Variants in PTPRU observed in about 807,000 individuals in gnomAD.
PTPRU encodes protein tyrosine phosphatase receptor type U.
A neutral mutation model predicts 166.3 loss-of-function variants in PTPRU; 69 were observed. The ratio of observed to expected loss-of-function variants is 0.41; its 90% CI spans 0.34 to 0.51. PTPRU has a LOEUF of 0.51. Among genes scored for constraint, PTPRU ranks in the 20% least tolerant of loss-of-function variants. The pLI is 0.09. For synonymous variants in PTPRU, 793 were observed against 814.0 expected, an observed-to-expected ratio of 0.97 and a Z score of 0.44; for missense variants, 1,657 against 2,013.7, an observed-to-expected ratio of 0.82 and a Z score of 3.39.
chr1:29,325,318 G>C lies in PTPRU; in HGVS notation c.4240G>C (p.Glu1414Gln), dbSNP rs1359624079. The change falls in exon 29 of 30, where the codon GAG becomes CAG. Residue 1414 changes from glutamate to glutamine, a missense_variant. Transcript: ENST00000373779. ...TLRNYKPNMV[E>Q]TMDQYHFCYD... ...CCGGAACTACAAACCCAACATGGTG[G>C]AGACCATGGTGAGGGGCTGTGTCCC... is the stretch of plus-strand genomic sequence containing the variant. 6.2e-7 allele frequency: 1 copy of C among 1,614,108 alleles called. No individual in the cohort carries two copies.
In PTPRU at chr1:29,237,624, G is replaced by C. The variant is rs1683830207; in HGVS notation, c.73+907G>C. Among the ~76,000 whole-genome samples, 2 of 151,022 alleles carry C rather than the reference G, an allele frequency of 1.3e-5. No individual in the cohort carries two copies. The highest frequency in any genetic ancestry group is 4.1e-4 in the South Asian group (2 of 4,832). On this transcript the variant is annotated intron_variant, in intron 1 of 29. Coordinates refer to ENST00000373779, the MANE Select transcript of PTPRU (RefSeq NM_133178.4). The surrounding 1 kb of genome is among the most constrained non-coding windows in gnomAD (Gnocchi z 6.4). ...ACAAGTTGTCGCGGCGGCGCCCCCT[G>C]GGCTGCCCGGGTCGGGCAGGGCCCG...
chr1:29,312,866 T>C (rs1386282246), intron 22 of PTPRU, among the ~76,000 whole-genome samples, 160 bp downstream of exon 22: 1 of 152,176 alleles, frequency 6.6e-6, no homozygotes, highest in Non-Finnish European at 1.5e-5. Context: ...CCCTGTCCCC[T>C]TTGGCCTTTG....
At position 29,284,863 on chromosome 1, in the gene PTPRU, G is replaced by A. The variant is rs780379580; in HGVS notation, c.2312G>A (p.Arg771His). 31 of 1,610,582 alleles carry A rather than the reference G, an allele frequency of 1.9e-5. No individual in the cohort carries two copies. The highest frequency in any genetic ancestry group is 2.7e-5 in the African/African-American group (2 of 74,840). ...LLLGAIIVIIRKGKPVNMTKA... is the reference protein window; with the variant it reads ...LLLGAIIVIIHKGKPVNMTKA... ...CTGGGTGCCATCATTGTCATCATCCGCAAAGGGTGAGTGAGGCCGGTGCCC... is the reference window on the plus strand; with the variant it reads ...CTGGGTGCCATCATTGTCATCATCCACAAAGGGTGAGTGAGGCCGGTGCCC... Residue 771 changes from arginine to histidine, a missense_variant, in exon 14 of 30, where the codon CGC (arginine) becomes CAC (histidine). Arg to His is a conservative substitution (Grantham distance 29). Transcript: ENST00000373779.
chr1:29,306,038 T>G (rs926670486), intron 18 of PTPRU, among the ~76,000 whole-genome samples: 2 of 152,202 alleles, frequency 1.3e-5, no homozygotes, highest in Non-Finnish European at 2.9e-5. Flanking sequence ...CTCAGAGACG[T>G]GGAGCGACTT....
In PTPRU at chr1:29,257,270, C is replaced by G. The variant is rs1055196573; in HGVS notation, c.206-1235C>G. On this transcript the variant is annotated intron_variant, in intron 2 of 29. Transcript: ENST00000373779. The surrounding 1 kb of genome is among the most constrained non-coding windows in gnomAD (Gnocchi z 4.6). ...GGAGTGTGTTGGGGGTTGAGAAGTG[C>G]CCCTTCCTGGGTGGGGATGGGGACT... is the stretch of plus-strand genomic sequence containing the variant. Among the ~76,000 whole-genome samples, 3 of 152,044 alleles carry G rather than the reference C, an allele frequency of 2.0e-5. No homozygotes were observed. The highest frequency in any genetic ancestry group is 1.5e-5 in the Non-Finnish European group (1 of 67,990).
intron 28 of PTPRU, among the ~76,000 whole-genome samples, chr1:29,324,813 C>T (rs1446303255): frequency 1.3e-5 from 2 of 151,902 alleles, no homozygotes; most frequent in African/African-American, 2.4e-5. Flanking sequence ...GTCCTCTGCC[C>T]CGCCCTTCTG....
rs148144154 is a variant in PTPRU at position 29,255,382 on chromosome 1, C to G, written c.181C>G (p.Arg61Gly). The G allele has an allele frequency of 6.2e-7, 1 of 1,614,034 alleles. No individual in the cohort carries two copies. The highest frequency in any genetic ancestry group is 1.1e-5 in the South Asian group (1 of 91,080). ...GCAAGTGCGAATCCACCCTGGCACC[C>G]GGGCACCTGCGGACCTGCCCCACGG... is the stretch of plus-strand genomic sequence containing the variant. Reference protein sequence around the residue: ...WEQVRIHPGTRAPADLPHGSY... With the variant: ...WEQVRIHPGTGAPADLPHGSY... The change falls in exon 2 of 30, where the codon CGG becomes GGG. Residue 61 changes from arginine to glycine, a missense_variant. Around this residue, in one of 3 missense-constraint regions of PTPRU, gnomAD observed 453 missense variants for 496.9 expected, o/e 0.91. Coordinates refer to ENST00000373779, the MANE Select transcript of PTPRU (RefSeq NM_133178.4).
At chr1:29,310,279 G>A (rs1345777532) in intron 18 of PTPRU, among the ~76,000 whole-genome samples, 2 of 152,164 alleles carry the variant, frequency 1.3e-5, no homozygotes, top group East Asian at 1.9e-4. Context: ...AGGGGGAGGG[G>A]TACTGTCCAT....
chr1:29,280,414 G>C lies in PTPRU; in HGVS notation c.1868+273G>C, dbSNP rs1013410392. ...AGGGGACTGTCCAGGCCTGTCCAGGGGGCCTTTCCTCAGACACCTTGGAGA... is the reference window on the plus strand; with the variant it reads ...AGGGGACTGTCCAGGCCTGTCCAGGCGGCCTTTCCTCAGACACCTTGGAGA... On this transcript the variant is annotated intron_variant, in intron 11 of 29. Transcript: ENST00000373779. The surrounding 1 kb of genome is among the most constrained non-coding windows in gnomAD (Gnocchi z 4.2). 6.6e-6 allele frequency among the ~76,000 whole-genome samples: 1 copy of C among 152,190 alleles called. No homozygotes were observed. Among genetic ancestry groups the C allele is most frequent in the Non-Finnish European group, 1.5e-5 (1 of 68,032 alleles).
At chr1:29,252,391 C>T (rs1684590236) in intron 1 of PTPRU, among the ~76,000 whole-genome samples, 1 of 151,890 alleles carries the variant, frequency 6.6e-6, no homozygotes, top group South Asian at 2.1e-4. Flanking sequence ...TTTCTGCCTC[C>T]CAAGTAGCTG....
chr1:29,303,971 C>T lies in PTPRU; in HGVS notation c.2593C>T (p.Arg865Cys), dbSNP rs144662614. The change falls in exon 16 of 30, where the codon CGT (arginine) becomes TGT (cysteine). Residue 865 changes from arginine to cysteine, a missense_variant. Arg to Cys is a radical substitution (Grantham distance 180, BLOSUM62 -3). Transcript: ENST00000373779. ...CACGGGGCAGCTGCACCCTGCGGTGCGTGTCGCAGACCTTCTGCAGCACAT... is the reference window on the plus strand; with the variant it reads ...CACGGGGCAGCTGCACCCTGCGGTGTGTGTCGCAGACCTTCTGCAGCACAT... ...YHTGQLHPAV[R>C]VADLLQHINQ... The T allele has an allele frequency of 3.1e-5, 50 of 1,613,642 alleles. No homozygotes were observed. The highest frequency in any genetic ancestry group is 5.0e-5 in the Admixed American group (3 of 60,000).
rs1684895846 is a variant in PTPRU, at chr1:29,258,936, T to C, written c.477+160T>C. On this transcript the variant is annotated intron_variant, in intron 3 of 29. Coordinates refer to ENST00000373779, the MANE Select transcript of PTPRU (RefSeq NM_133178.4). ...GCCAGGGGTCAGTCTGGGGCCAGTC[T>C]GGGTTCAGCATCTGAGGTCATTGTT... Among the ~76,000 whole-genome samples, 3 of 152,194 alleles carry C rather than the reference T, an allele frequency of 2.0e-5. No homozygotes were observed. The South Asian group carries it at 6.2e-4, about 31-fold the overall frequency.
intron 7 of PTPRU, 134 bp from the exon 8 acceptor site, chr1:29,275,314 A>G: frequency 1.1e-6 from 1 of 942,612 alleles, no homozygotes; most frequent in Non-Finnish European, 1.6e-6. Context: ...TTGATGTTCT[A>G]GGGGTCCCCT....
rs1167005051 is a variant in PTPRU, at chr1:29,259,326, T to C, written c.543T>C (p.Leu181=). Residue 181 remains leucine (L), a synonymous_variant, in exon 4 of 30, where the codon CTT becomes CTC. Coordinates refer to ENST00000373779, the MANE Select transcript of PTPRU (RefSeq NM_133178.4). ...RGYMGLDDIL[L]LSYPCAKAPH... ...ACATGGGCCTAGATGACATCCTGCT[T>C]CTCAGCTACCCCTGCGGTGAGTCCC... 3 of 1,613,994 alleles carry C rather than the reference T, an allele frequency of 1.9e-6. No homozygotes were observed. In the Admixed American group the frequency reaches 5.0e-5, roughly 27 times the overall value.
chr1:29,323,667 T>A lies in PTPRU; in HGVS notation c.3991T>A (p.Phe1331Ile). 1 of 1,613,960 alleles carries A rather than the reference T, an allele frequency of 6.2e-7. No individual in the cohort carries two copies. The highest frequency in any genetic ancestry group is 8.5e-7 in the Non-Finnish European group (1 of 1,179,942). ...EGHLLVRHFQ[F>I]LRWSAYRDTP... ...GCACCTGCTGGTGCGGCACTTCCAG[T>A]TCCTGCGCTGGTCTGCATACCGGGA... The change falls in exon 28 of 30, where the codon TTC becomes ATC. Residue 1331 changes from phenylalanine to isoleucine, a missense_variant. Phe to Ile is a conservative substitution (Grantham distance 21). Transcript: ENST00000373779.
chr1:29,311,874 C>T lies in PTPRU; in HGVS notation c.3072+115C>T. The T allele has an allele frequency of 2.9e-6, 3 of 1,038,264 alleles. No individual in the cohort carries two copies. Among genetic ancestry groups the T allele is most frequent in the Non-Finnish European group, 4.3e-6 (3 of 696,882 alleles). The allele number at this position is 1,038,264 out of a possible 1,614,324, so 64.3% of individuals were successfully genotyped here. A position where few individuals can be genotyped will look rare whatever the true frequency, so the allele number is the denominator to read the frequency against. ...GGTGAGGAGCGCACCACTGCCCATC[C>T]CAGCAAGGAAGCTACTTGGTCACTG... On this transcript the variant is annotated intron_variant, in intron 21 of 29. Coordinates refer to ENST00000373779, the MANE Select transcript of PTPRU (RefSeq NM_133178.4). This position sits in a 1 kb window ranked among gnomAD's most constrained non-coding sequence, Gnocchi z 4.1.
At chr1:29,250,102 T>C (rs1684483697) in intron 1 of PTPRU, among the ~76,000 whole-genome samples, 1 of 152,196 alleles carries the variant, frequency 6.6e-6, no homozygotes, top group Admixed American at 6.5e-5. Context: ...TGGCTCTGCT[T>C]AGATGCCGCC....
At position 29,311,520 on chromosome 1, in the gene PTPRU, C is replaced by T. The variant is rs140673849; in HGVS notation, c.2922C>T (p.Ile974=). The T allele has an allele frequency of 5.8e-5, 93 of 1,614,140 alleles. No individual in the cohort carries two copies. The highest frequency in any genetic ancestry group is 4.8e-4 in the African/African-American group (36 of 75,026). Residue 974 remains isoleucine, a synonymous_variant, in exon 20 of 30, where the codon ATC becomes ATT. Coordinates refer to ENST00000373779, the MANE Select transcript of PTPRU (RefSeq NM_133178.4). The surrounding 1 kb of genome is among the most constrained non-coding windows in gnomAD (Gnocchi z 4.1). The stretch of plus-strand genomic sequence containing the variant: ...TGTGGCAGGAGCACTGTTCCAGCAT[C>T]GTCATGATCACCAAGCTGGTCGAGG... The part of the protein sequence containing the change: ...RMVWQEHCSS[I]VMITKLVEVG...
Position 29,279,571 on chromosome 1 carries a change from G to A in PTPRU, c.1679G>A (p.Gly560Asp). The A allele has an allele frequency of 6.2e-7, 1 of 1,614,084 alleles. No individual in the cohort carries two copies. Residue 560 changes from glycine to aspartate, a missense_variant, in exon 10 of 30, where the codon GGC becomes GAC. Coordinates refer to ENST00000373779, the MANE Select transcript of PTPRU (RefSeq NM_133178.4). This position sits in a 1 kb window ranked among gnomAD's most constrained non-coding sequence, Gnocchi z 5.2. ...CATGTCTTCTCCAACCTGCACCCAG[G>A]CACCACCTACCTGTTCTCCGTGCGG... ...TYHVFSNLHP[G>D]TTYLFSVRAR...
Sources: allele counts gnomAD v4.1 joint callset (sites outside exome capture counted in the v4.1 genomes callset), GRCh38; gene constraint gnomAD v4.1.1; regional missense constraint gnomAD v4.1.1; non-coding constraint Gnocchi (gnomAD v3.1); transcripts MANE v1.5; gene names NCBI Gene and HGNC (gene_info 2026-07-23, HGNC 2026-07-21).